Variants in FRAS1 observed in about 807,000 individuals in gnomAD.
The protein encoded by FRAS1 is extracellular matrix organizing protein FRAS1.
In FRAS1, 290 loss-of-function variants were observed where a neutral mutation model predicts 435.2. The ratio of observed to expected loss-of-function variants is 0.67; its 90% confidence interval spans 0.61 to 0.73. The LOEUF (loss-of-function observed/expected upper bound fraction) is 0.73, where lower values mean the gene tolerates loss of function less well. FRAS1 is among the 30% of genes least tolerant of loss of function. FRAS1 has a pLI of 0.00. For missense variants in FRAS1, 4,860 were observed against 5,001.5 expected (o/e 0.97, Z 0.85); for synonymous variants, 1,800 against 1,851.0 (o/e 0.97, Z 0.71).
rs1464918527 is a variant in FRAS1, at chr4:78,473,496, G to A, written c.7581G>A (p.Met2527Ile). ...TGCACAAGGAGAAGATCCGTGAGAT[G>A]ATGGATAGTTTTCAGTTTCTGGTGA... ...YVLHKEKIREMMDSFQFLVKD... is the reference protein window; with the variant it reads ...YVLHKEKIREIMDSFQFLVKD... Residue 2527 changes from methionine (M) to isoleucine (I), a missense_variant, in exon 53 of 74, where the codon ATG becomes ATA. Transcript: ENST00000512123. 1.2e-6 allele frequency: 2 copies of A among 1,613,330 alleles called. No homozygotes were observed. The highest frequency in any genetic ancestry group is 1.7e-6 in the Non-Finnish European group (2 of 1,179,548).
intron 2 of FRAS1, among the ~76,000 whole-genome samples, chr4:78,174,447 G>A (rs1721680113): frequency 6.6e-6 from 1 of 152,150 alleles, no homozygotes; most frequent in Non-Finnish European, 1.5e-5. Flanking sequence ...TGATGGCAGT[G>A]CAAATACAAG....
At chr4:78,518,437 TATATATATATATA>T (rs1560423089) in intron 66 of FRAS1, among the ~76,000 whole-genome samples, 8 of 119,406 alleles carry the variant, frequency 6.7e-5, no homozygotes, top group African/African-American at 2.7e-4. Context: ...TATATATATA[TATATATATATATA>T]TATTTATTTA....
At chr4:78,258,288 C>A (rs1040312909) in intron 6 of FRAS1, among the ~76,000 whole-genome samples, 2 of 150,808 alleles carry the variant, frequency 1.3e-5, no homozygotes, top group African/African-American at 4.9e-5. Context: ...CTGCAGTGAG[C>A]CGTGATCATG....
chr4:78,534,670 T>C, intron 71 of FRAS1, 55 bp downstream of exon 71: 3 of 1,549,540 alleles, frequency 1.9e-6, no homozygotes, highest in Non-Finnish European at 2.6e-6. Flanking sequence ...TGAGAAGCTT[T>C]TGCTAAGTCA....
chr4:78,166,028 T>G (rs1721320815), intron 2 of FRAS1, among the ~76,000 whole-genome samples: 1 of 152,182 alleles, frequency 6.6e-6, no homozygotes, highest in Admixed American at 6.5e-5. Flanking sequence ...CAGCATGTTT[T>G]ACAGTTTATT....
At chr4:78,520,826 T>C (rs1168352881) in intron 67 of FRAS1, among the ~76,000 whole-genome samples, 1 of 152,210 alleles carries the variant, frequency 6.6e-6, no homozygotes, top group South Asian at 2.1e-4. Context: ...TTCTGTGAAA[T>C]GTCTTAGGCT....
chr4:78,472,114 G>A, intron 51 of FRAS1, 66 bp from the exon 52 acceptor site: 1 of 1,488,954 alleles, frequency 6.7e-7, no homozygotes, highest in Non-Finnish European at 9.4e-7. Flanking sequence ...TTAAATCTGA[G>A]TCAGAGGGTC....
rs543259475 is a variant in FRAS1, at chr4:78,537,213, C to A, written c.11298+13C>A. 1 of 1,611,426 alleles carries A rather than the reference C, an allele frequency of 6.2e-7. No homozygotes were observed. Among genetic ancestry groups the A allele is most frequent in the South Asian group, 1.1e-5 (1 of 90,758 alleles). On this transcript the variant is annotated intron_variant, in intron 72 of 73. Transcript: ENST00000512123. ...ATTCCTGCTGTTGGTATGCTAAGTTCTCACTATTAGTGTTAAAGAGCAGAC... is the reference window on the plus strand; with the variant it reads ...ATTCCTGCTGTTGGTATGCTAAGTTATCACTATTAGTGTTAAAGAGCAGAC...
chr4:78,511,453 C>T lies in FRAS1; in HGVS notation c.9960C>T (p.Ser3320=), dbSNP rs368123589. The change falls in exon 64 of 74, where the codon TCC becomes TCT. Residue 3320 remains serine, a synonymous_variant. Coordinates refer to ENST00000512123, the MANE Select transcript of FRAS1 (RefSeq NM_025074.7). ...CATCCAGAGGCTTCCAGGCTCAGTC[C>T]TTCATCGCAACCTTGAAATACCTGG... is the stretch of plus-strand genomic sequence containing the variant. ...AGTSRGFQAQ[S]FIATLKYLDV... The T allele has an allele frequency of 4.3e-6, 7 of 1,613,916 alleles. No homozygotes were observed. The highest frequency in any genetic ancestry group is 2.2e-5 in the East Asian group (1 of 44,858).
rs568014551 is a variant in FRAS1 at position 78,515,842 on chromosome 4, G to C, written c.10218G>C (p.Leu3406=). ...LDDVVYDSTA[L]GPGYDRPFQF... ...ATGTGGTCTATGATAGCACTGCCCTGGGGCCTGGCTACGATCGCCCCTTCC... is the reference window on the plus strand; with the variant it reads ...ATGTGGTCTATGATAGCACTGCCCTCGGGCCTGGCTACGATCGCCCCTTCC... The change falls in exon 66 of 74, where the codon CTG becomes CTC. Residue 3406 remains leucine (L), a synonymous_variant. Coordinates refer to ENST00000512123, the MANE Select transcript of FRAS1 (RefSeq NM_025074.7). 2 of 1,613,994 alleles carry C rather than the reference G, an allele frequency of 1.2e-6. No homozygotes were observed. The highest frequency in any genetic ancestry group is 1.7e-6 in the Non-Finnish European group (2 of 1,179,886).
At chr4:78,214,252 C>G (rs1416067807) in intron 2 of FRAS1, among the ~76,000 whole-genome samples, 1 of 152,182 alleles carries the variant, frequency 6.6e-6, no homozygotes. Context: ...TGTCATAAAT[C>G]TTCTTGCTTA....
chr4:78,432,616 C>T lies in FRAS1; in HGVS notation c.5217+12C>T. 7 of 1,551,720 alleles carry T rather than the reference C, an allele frequency of 4.5e-6. No individual in the cohort carries two copies. Among genetic ancestry groups the T allele is most frequent in the Non-Finnish European group, 6.1e-6 (7 of 1,146,590 alleles). On this transcript the variant is annotated intron_variant, in intron 38 of 73. Coordinates refer to ENST00000512123, the MANE Select transcript of FRAS1 (RefSeq NM_025074.7). ...ACCTTGCTTACGTGGTAAGTTCTTC[C>T]ATTTGCTGTGTTTGTTCTCCACCGC...
At chr4:78,363,798 C>T in intron 21 of FRAS1, 110 bp from the exon 22 acceptor site, 1 of 1,438,782 alleles carries the variant, frequency 7.0e-7, no homozygotes, top group Non-Finnish European at 9.4e-7. Flanking sequence ...GACTGTAAAC[C>T]AGACTTGCCA....
intron 2 of FRAS1, among the ~76,000 whole-genome samples, chr4:78,168,661 A>C (rs1721433638): frequency 6.6e-6 from 1 of 152,020 alleles, no homozygotes; most frequent in South Asian, 2.1e-4. Flanking sequence ...TTTTTCTTAA[A>C]ATATTGTGAC....
chr4:78,378,810 A>T (rs968465117), intron 26 of FRAS1, among the ~76,000 whole-genome samples: 2 of 152,054 alleles, frequency 1.3e-5, no homozygotes, highest in African/African-American at 4.8e-5. Flanking sequence ...GTTTACTCCC[A>T]TTCTGTGGGT....
chr4:78,130,065 A>G (rs1719607749), intron 2 of FRAS1, among the ~76,000 whole-genome samples: 1 of 152,120 alleles, frequency 6.6e-6, no homozygotes, highest in Non-Finnish European at 1.5e-5. Context: ...AACTTTGCCC[A>G]GGTTGTTTTC....
rs188250944 is a variant in FRAS1, at chr4:78,154,090, C to G, written c.109-83420C>G. ...GTATGATTTGCTATCTTTACAGCCA[C>G]TTGTAATTTATAGTTTTTTTTTTCT... On this transcript the variant is annotated intron_variant, in intron 2 of 73. Coordinates refer to ENST00000512123, the MANE Select transcript of FRAS1 (RefSeq NM_025074.7). Among the ~76,000 whole-genome samples, 9 of 152,032 alleles carry G rather than the reference C, an allele frequency of 5.9e-5. No homozygotes were observed. In the East Asian group the frequency reaches 1.7e-3, roughly 29 times the overall value.
chr4:78,257,403 C>G (rs1725845026), intron 6 of FRAS1, among the ~76,000 whole-genome samples: 1 of 152,072 alleles, frequency 6.6e-6, no homozygotes, highest in African/African-American at 2.4e-5. Flanking sequence ...TAACATCAAG[C>G]CTTCCAAGAA....
At position 78,245,115 on chromosome 4, in the gene FRAS1, T is replaced by A. The variant is rs991986055; in HGVS notation, c.217-118T>A. ...TCTATTCATTTTATCCCATCTGTTG[T>A]TGTCACCTCAGAAACGCATGAGATT... On this transcript the variant is annotated intron_variant, in intron 3 of 73. Transcript: ENST00000512123. 4 of 736,322 alleles carry A rather than the reference T, an allele frequency of 5.4e-6. No individual in the cohort carries two copies. The Admixed American group carries it at 8.2e-5, about 15-fold the overall frequency. 45.6% of individuals were successfully genotyped at this position (736,322 alleles called of 1,614,324 possible).
Sources: gnomAD v4.1 joint callset for allele counts (sites outside exome capture counted in the v4.1 genomes callset) on GRCh38, gnomAD v4.1.1 for gene constraint, MANE v1.5 for transcripts, NCBI Gene and HGNC (gene_info 2026-07-23, HGNC 2026-07-21) for gene names.